MYCBP2: variants seen among roughly 807,000 people sequenced by gnomAD.
MYCBP2 encodes the protein MYC binding protein 2, also known as E3 ubiquitin-protein ligase MYCBP2.
Under a neutral mutation model 525.3 loss-of-function variants are expected in MYCBP2, and 120 were observed. That is an observed-to-expected ratio of 0.23 (90% CI 0.20 to 0.27). The LOEUF (loss-of-function observed/expected upper bound fraction) is 0.27, where lower values mean the gene tolerates loss of function less well. Among genes scored for constraint, MYCBP2 ranks in the 10% least tolerant of loss-of-function variants. The probability of loss-of-function intolerance (pLI) is 1.00; values close to 1 mark genes in which losing one functional copy is unlikely to be tolerated. For synonymous variants in MYCBP2, 1,894 were observed against 1,955.8 expected, an observed-to-expected ratio of 0.97 and a Z score of 0.83; for missense variants, 4,149 against 5,657.1, an observed-to-expected ratio of 0.73 and a Z score of 8.55.
intron 26 of MYCBP2, among the ~76,000 whole-genome samples, chr13:77,197,328 A>G (rs1335700900): frequency 6.6e-6 from 1 of 152,150 alleles, no homozygotes; most frequent in Non-Finnish European, 1.5e-5. Context: ...GTGGTAGAAA[A>G]GTCTTTTTTG....
In MYCBP2 at chr13:77,263,993, G is replaced by A. The variant is rs1379264298; in HGVS notation, c.1367C>T (p.Thr456Ile). Residue 456 changes from threonine (T) to isoleucine (I), a missense_variant, in exon 9 of 83, where the codon ACT becomes ATT. Physicochemically the swap from Thr to Ile is moderately conservative, Grantham distance 89 (BLOSUM62 -1). Coordinates refer to ENST00000544440, the MANE Select transcript of MYCBP2 (RefSeq NM_015057.5). ...AGTGAATAAAATATTTTGACCTTCA[G>A]TGTGGCAATCTGTGCAAAAGAAAAA... ...DGTVMLPDCH[T>I]EGQNILFTDG... 2.5e-6 allele frequency: 4 copies of A among 1,611,942 alleles called. No homozygotes were observed. Among genetic ancestry groups the A allele is most frequent in the Admixed American group, 1.7e-5 (1 of 59,852 alleles).
chr13:77,213,492 A>C (rs1448303030), intron 21 of MYCBP2, among the ~76,000 whole-genome samples: 1 of 152,158 alleles, frequency 6.6e-6, no homozygotes, highest in Non-Finnish European at 1.5e-5. Flanking sequence ...AGAAAAAAAA[A>C]AGTAAATAGT....
chr13:77,045,228 G>A lies in MYCBP2; in HGVS notation c.*150C>T. The stretch of plus-strand genomic sequence containing the variant: ...TTTCATAGCAAGAATTATGTACATG[G>A]TATTTGGTATCCTTCTTGCACTGTG... On this transcript the variant is annotated 3_prime_UTR_variant, in exon 83 of 83. Transcript: ENST00000544440. The A allele has an allele frequency of 1.9e-6, 1 of 517,570 alleles. No homozygotes were observed. The highest frequency in any genetic ancestry group is 3.3e-5 in the South Asian group (1 of 29,956). 32.1% of individuals were successfully genotyped at this position (517,570 alleles called of 1,614,324 possible). A position where few individuals can be genotyped will look rare whatever the true frequency, so the allele number is the denominator to read the frequency against.
At chr13:77,269,204 T>C (rs914493869) in intron 7 of MYCBP2, among the ~76,000 whole-genome samples, 26 of 152,360 alleles carry the variant, frequency 1.7e-4, no homozygotes, top group African/African-American at 5.5e-4. Context: ...ATTCTTTGCA[T>C]ATTCTTCATG....
chr13:77,045,427 T>C lies in MYCBP2; in HGVS notation c.13988A>G (p.Glu4663Gly). ...PLHVVHPPTG[E>G]EFALGCGVCR... Reference sequence around the variant, plus strand: ...CACTCCACATCCCAGAGCAAACTCTTCCCCAGTGGGTGGATGAACAACATG... The same window carrying C: ...CACTCCACATCCCAGAGCAAACTCTCCCCCAGTGGGTGGATGAACAACATG... Residue 4663 changes from glutamate (E) to glycine (G), a missense_variant, in exon 83 of 83, where the codon GAA (glutamate) becomes GGA (glycine). Physicochemically the swap from Glu to Gly is moderately conservative, Grantham distance 98. Around this residue, in one of 21 missense-constraint regions of MYCBP2, gnomAD observed 45 missense variants for 130.1 expected, o/e 0.35. Transcript: ENST00000544440. The C allele has an allele frequency of 6.2e-7, 1 of 1,614,162 alleles. No homozygotes were observed. The highest frequency in any genetic ancestry group is 8.5e-7 in the Non-Finnish European group (1 of 1,180,026).
intron 82 of MYCBP2, among the ~76,000 whole-genome samples, chr13:77,048,125 G>C (rs149473670): frequency 1.2e-3 from 177 of 152,256 alleles, no homozygotes; most frequent in African/African-American, 4.0e-3. Context: ...TATGGTGTTA[G>C]GAGGTGGAGC....
chr13:77,230,325 T>C (rs943250965), intron 18 of MYCBP2, among the ~76,000 whole-genome samples: 1 of 152,224 alleles, frequency 6.6e-6, no homozygotes, highest in African/African-American at 2.4e-5. Flanking sequence ...AAATGTAGGA[T>C]AGAACATAGC....
At chr13:77,149,034 A>G (rs2056070301) in intron 47 of MYCBP2, among the ~76,000 whole-genome samples, 1 of 151,934 alleles carries the variant, frequency 6.6e-6, no homozygotes, top group Non-Finnish European at 1.5e-5. Context: ...TTTTCTCTCA[A>G]TTACCTCCTA....
At chr13:77,114,000 T>A (rs1409185108) in intron 55 of MYCBP2, among the ~76,000 whole-genome samples, 1 of 152,148 alleles carries the variant, frequency 6.6e-6, no homozygotes, top group African/African-American at 2.4e-5. Context: ...TTCATCCACA[T>A]ACCTTCAAAG....
intron 11 of MYCBP2, 73 bp from the exon 12 acceptor site, chr13:77,261,448 A>G: frequency 2.9e-6 from 3 of 1,047,048 alleles, no homozygotes; most frequent in Non-Finnish European, 4.2e-6. Context: ...TGAGGAAAAA[A>G]AAGGACATCA....
chr13:77,126,293 G>A (rs758959175), intron 53 of MYCBP2, 25 bp downstream of exon 53: 2 of 1,590,724 alleles, frequency 1.3e-6, no homozygotes, highest in Non-Finnish European at 1.7e-6. Context: ...TATCTTAGAA[G>A]TCATGAAGCT....
intron 52 of MYCBP2, among the ~76,000 whole-genome samples, chr13:77,138,985 C>T (rs967026141): frequency 6.6e-6 from 1 of 152,032 alleles, no homozygotes; most frequent in Non-Finnish European, 1.5e-5. Flanking sequence ...TACTTCCTGC[C>T]TATCTGTGAT....
chr13:77,047,596 T>C (rs1032307693), intron 82 of MYCBP2, among the ~76,000 whole-genome samples: 2 of 151,838 alleles, frequency 1.3e-5, no homozygotes, highest in Non-Finnish European at 2.9e-5. Flanking sequence ...TAAAAAGCAG[T>C]TGGGGAAAAA....
chr13:77,138,610 A>T (rs938834188), intron 52 of MYCBP2, among the ~76,000 whole-genome samples: 3 of 152,304 alleles, frequency 2.0e-5, no homozygotes, highest in Admixed American at 6.5e-5. Context: ...ATGAAGTAGC[A>T]ATCTTGTGAA....
Position 77,326,959 on chromosome 13 carries a change from G to A in MYCBP2, c.-184C>T. On this transcript the variant is annotated 5_prime_UTR_variant, in exon 1 of 83. Coordinates refer to ENST00000544440, the MANE Select transcript of MYCBP2 (RefSeq NM_015057.5). The surrounding 1 kb of genome is among the most constrained non-coding windows in gnomAD (Gnocchi z 4.2). ...TCCTTCTTCTCCTCCTCCCCCCCGC[G>A]CCGCCCTCGCCGCTACTGGGGCCGC... The A allele has an allele frequency of 2.0e-6, 1 of 510,100 alleles. No homozygotes were observed. The highest frequency in any genetic ancestry group is 3.1e-6 in the Non-Finnish European group (1 of 318,564). The allele number at this position is 510,100 out of a possible 1,614,324, so 31.6% of individuals were successfully genotyped here. A position where few individuals can be genotyped will look rare whatever the true frequency, so the allele number is the denominator to read the frequency against.
At chr13:77,312,591 G>A (rs2080394746) in intron 1 of MYCBP2, among the ~76,000 whole-genome samples, 1 of 151,746 alleles carries the variant, frequency 6.6e-6, no homozygotes, top group Admixed American at 6.6e-5. Flanking sequence ...TAAATACAAA[G>A]AGATATTGCT....
At chr13:77,071,271 G>A (rs201518602) in intron 68 of MYCBP2, among the ~76,000 whole-genome samples, 37 of 142,716 alleles carry the variant, frequency 2.6e-4, no homozygotes, top group South Asian at 6.6e-4. Flanking sequence ...GTGTGCACAC[G>A]CACACACACA....
rs781114237 is a variant in MYCBP2, at chr13:77,087,573, G to C, written c.10786C>G (p.His3596Asp). 6.2e-7 allele frequency: 1 copy of C among 1,613,158 alleles called. No individual in the cohort carries two copies. Among genetic ancestry groups the C allele is most frequent in the Non-Finnish European group, 8.5e-7 (1 of 1,179,532 alleles). Residue 3596 changes from histidine to aspartate, a missense_variant, in exon 62 of 83, where the codon CAT (histidine) becomes GAT (aspartate). Around this residue, in one of 21 missense-constraint regions of MYCBP2, gnomAD observed 509 missense variants for 789.4 expected, o/e 0.64. Coordinates refer to ENST00000544440, the MANE Select transcript of MYCBP2 (RefSeq NM_015057.5). ...QTTSLHDILW[H>D]FVASLTPAPV... is the part of the protein sequence containing the mutation. Reference sequence around the variant, plus strand: ...GCAGGAGTCAGTGATGCCACAAAATGCCACAGAATATCATGGAGAGAAGTG... The same window carrying C: ...GCAGGAGTCAGTGATGCCACAAAATCCCACAGAATATCATGGAGAGAAGTG...
chr13:77,104,726 G>A (rs954480300), intron 55 of MYCBP2, among the ~76,000 whole-genome samples: 22 of 152,174 alleles, frequency 1.4e-4, no homozygotes, highest in Middle Eastern at 3.4e-3. Flanking sequence ...TGACACCTTA[G>A]AACCGACAAC....
Sources: allele counts gnomAD v4.1 joint callset (sites outside exome capture counted in the v4.1 genomes callset), GRCh38; gene constraint gnomAD v4.1.1; regional missense constraint gnomAD v4.1.1; non-coding constraint Gnocchi (gnomAD v3.1); transcripts MANE v1.5; gene names NCBI Gene and HGNC (gene_info 2026-07-23, HGNC 2026-07-21).